EFCAB6: variants seen among roughly 807,000 people sequenced by gnomAD.
EFCAB6 encodes EF-hand calcium binding domain 6.
A neutral mutation model predicts 169.8 loss-of-function variants in EFCAB6; 156 were observed. The observed-to-expected ratio is 0.92, with a 90% CI of 0.81 to 1.05. The LOEUF is 1.05. Among genes scored for constraint, EFCAB6 ranks in the 50% least tolerant of loss-of-function variants. The probability of loss-of-function intolerance (pLI) is 0.00; values close to 1 mark genes in which losing one functional copy is unlikely to be tolerated. For synonymous variants in EFCAB6, 698 were observed against 676.4 expected (o/e 1.03, Z -0.50); for missense variants, 1,800 against 1,829.1 (o/e 0.98, Z 0.29).
At chr22:43,796,231 C>T (rs569509206) in intron 2 of EFCAB6, among the ~76,000 whole-genome samples, 8 of 152,178 alleles carry the variant, frequency 5.3e-5, no homozygotes, top group Non-Finnish European at 1.2e-4. Context: ...CACCCTCGAC[C>T]CCATGACTGT....
chr22:43,791,581 G>A (rs978940630), intron 2 of EFCAB6, among the ~76,000 whole-genome samples: 8 of 152,100 alleles, frequency 5.3e-5, no homozygotes, highest in Non-Finnish European at 1.2e-4. Context: ...GAAACCATGA[G>A]AAGAATAAGT....
chr22:43,647,684 T>A (rs2056248690), intron 17 of EFCAB6, among the ~76,000 whole-genome samples: 1 of 152,216 alleles, frequency 6.6e-6, no homozygotes, highest in African/African-American at 2.4e-5. Context: ...CAATGACTGG[T>A]GTCCTTAGAA....
At chr22:43,690,341 T>TAAAAAA (rs2058362251) in intron 10 of EFCAB6, among the ~76,000 whole-genome samples, 1 of 30,682 alleles carries the variant, frequency 3.3e-5, no homozygotes, top group Non-Finnish European at 6.8e-5. Context: ...CTACTAAAAA[T>TAAAAAA]ACAAAAAAAA....
intron 21 of EFCAB6, among the ~76,000 whole-genome samples, chr22:43,612,598 C>T (rs2187765): frequency 0.68 from 103,663 of 152,054 alleles, 35,509 homozygotes; most frequent in Admixed American, 0.77. Flanking sequence ...GAATGGCTAT[C>T]ACTAAAAAGT....
At chr22:43,531,178 G>T (rs1401005470) in intron 30 of EFCAB6, among the ~76,000 whole-genome samples, 2 of 152,196 alleles carry the variant, frequency 1.3e-5, no homozygotes, top group Non-Finnish European at 2.9e-5. Flanking sequence ...TTAAAAACGT[G>T]TATTACATCA....
intron 2 of EFCAB6, among the ~76,000 whole-genome samples, chr22:43,798,351 C>CAA (rs755602448): frequency 7.4e-6 from 1 of 135,314 alleles, no homozygotes; most frequent in African/African-American, 2.7e-5. Context: ...GACTCCATCT[C>CAA]AAAAAAAAAA....
chr22:43,729,919 G>A (rs939863893), intron 8 of EFCAB6, among the ~76,000 whole-genome samples: 5 of 152,042 alleles, frequency 3.3e-5, no homozygotes, highest in Admixed American at 2.6e-4. Flanking sequence ...AGCTCTTTGG[G>A]ACTGTGTATA....
intron 17 of EFCAB6, among the ~76,000 whole-genome samples, chr22:43,659,668 A>C (rs1242943513): frequency 3.9e-5 from 6 of 152,130 alleles, no homozygotes; most frequent in Admixed American, 2.6e-4. Flanking sequence ...TCAAAAAAAA[A>C]ACAAAAACCT....
At chr22:43,571,795 C>A (rs1286158172) in intron 26 of EFCAB6, among the ~76,000 whole-genome samples, 1 of 152,222 alleles carries the variant, frequency 6.6e-6, no homozygotes, top group African/African-American at 2.4e-5. Context: ...ACGACCAGAA[C>A]TGCTTGCGGT....
intron 2 of EFCAB6, among the ~76,000 whole-genome samples, chr22:43,785,971 T>C (rs2062060800): frequency 6.6e-6 from 1 of 152,202 alleles, no homozygotes; most frequent in African/African-American, 2.4e-5. Context: ...GATAGAATTA[T>C]GACAAAAAGA....
rs956521072 is a variant in EFCAB6, at chr22:43,572,626, G to C, written c.3420+3671C>G. On this transcript the variant is annotated intron_variant, in intron 26 of 31. Transcript: ENST00000262726. The surrounding 1 kb of genome is among the most constrained non-coding windows in gnomAD (Gnocchi z 4.0). ...TCCTGTGGATGCCATCGCACTAGCAGTGCCGGCCAGTCCCTTGCCCGATGT... is the reference window on the plus strand; with the variant it reads ...TCCTGTGGATGCCATCGCACTAGCACTGCCGGCCAGTCCCTTGCCCGATGT... Among the ~76,000 whole-genome samples the C allele has an allele frequency of 6.6e-6, 1 of 152,162 alleles. No individual in the cohort carries two copies. The highest frequency in any genetic ancestry group is 2.4e-5 in the African/African-American group (1 of 41,428).
chr22:43,702,848 A>C (rs1569415573), intron 10 of EFCAB6, among the ~76,000 whole-genome samples: 1 of 152,232 alleles, frequency 6.6e-6, no homozygotes, highest in Non-Finnish European at 1.5e-5. Flanking sequence ...AACCAGCCTT[A>C]GACCCTACCC....
chr22:43,605,453 G>A (rs898755081), intron 22 of EFCAB6, among the ~76,000 whole-genome samples: 4 of 152,092 alleles, frequency 2.6e-5, no homozygotes. Flanking sequence ...GACCATCCTG[G>A]CCAACATGGT....
intron 22 of EFCAB6, among the ~76,000 whole-genome samples, chr22:43,607,277 C>T (rs573215436): frequency 6.6e-6 from 1 of 152,144 alleles, no homozygotes; most frequent in African/African-American, 2.4e-5. Context: ...TTCCAGCCCC[C>T]GCTAGCCCCA....
At chr22:43,803,706 T>C (rs924612924) in intron 2 of EFCAB6, among the ~76,000 whole-genome samples, 2 of 151,994 alleles carry the variant, frequency 1.3e-5, no homozygotes, top group African/African-American at 4.8e-5. Flanking sequence ...GAGAGACAGA[T>C]TGCAATACAA....
Position 43,688,002 on chromosome 22 carries a change from G to A in EFCAB6, c.1032-421C>T, listed in dbSNP as rs76280235. On this transcript the variant is annotated intron_variant, in intron 10 of 31. Coordinates refer to ENST00000262726, the MANE Select transcript of EFCAB6 (RefSeq NM_022785.4). ...CCAGCAAAGAAACATGGTAGATGTGGTGGAGGGCGGATCTGGAGATGGAGC... is the reference window on the plus strand; with the variant it reads ...CCAGCAAAGAAACATGGTAGATGTGATGGAGGGCGGATCTGGAGATGGAGC... 1.2e-4 allele frequency among the ~76,000 whole-genome samples: 19 copies of A among 152,328 alleles called. No homozygotes were observed. The East Asian group carries it at 3.7e-3, about 29-fold the overall frequency.
chr22:43,735,810 T>C, intron 7 of EFCAB6, 47 bp downstream of exon 7: 1 of 1,600,180 alleles, frequency 6.2e-7, no homozygotes, highest in African/African-American at 1.3e-5. Flanking sequence ...CTGAAATTGG[T>C]TAAAAGTTCT....
intron 26 of EFCAB6, among the ~76,000 whole-genome samples, chr22:43,560,781 C>T (rs1240817346): frequency 2.0e-5 from 3 of 152,196 alleles, no homozygotes; most frequent in Non-Finnish European, 2.9e-5. Context: ...GAGTGGCGCC[C>T]GGATTCTACC....
intron 26 of EFCAB6, among the ~76,000 whole-genome samples, chr22:43,555,326 G>A (rs1016075016): frequency 5.3e-5 from 8 of 152,218 alleles, no homozygotes; most frequent in Admixed American, 1.3e-4. Flanking sequence ...TTCCCCATGG[G>A]GCAGAGCAGT....
Sources: gnomAD v4.1 joint callset for allele counts (sites outside exome capture counted in the v4.1 genomes callset) on GRCh38, gnomAD v4.1.1 for gene constraint, Gnocchi (gnomAD v3.1) non-coding constraint, MANE v1.5 for transcripts, NCBI Gene and HGNC (gene_info 2026-07-23, HGNC 2026-07-21) for gene names.